NUP205: variants seen among roughly 807,000 people sequenced by gnomAD.
NUP205 encodes nuclear pore complex protein Nup205.
NUP205 carries 76 observed loss-of-function variants against 253.8 expected under a neutral mutation model. The observed-to-expected ratio is 0.30, with a 90% confidence interval of 0.25 to 0.36. The LOEUF is 0.36. Ranked by LOEUF, NUP205 falls within the 10% of genes least tolerant of loss-of-function variation. The pLI is 1.00. For synonymous variants in NUP205, 832 were observed against 850.1 expected, an observed-to-expected ratio of 0.98 and a Z score of 0.37; for missense variants, 2,162 against 2,425.5, an observed-to-expected ratio of 0.89 and a Z score of 2.28.
chr7:135,637,532 G>A (rs1191802299), intron 36 of NUP205, among the ~76,000 whole-genome samples: 1 of 152,150 alleles, frequency 6.6e-6, no homozygotes, highest in Non-Finnish European at 1.5e-5. Flanking sequence ...TTGTGCCTTG[G>A]TAGACAAAAT....
At chr7:135,595,996 G>A (rs1401825057) in intron 13 of NUP205, among the ~76,000 whole-genome samples, 1 of 152,016 alleles carries the variant, frequency 6.6e-6, no homozygotes, top group East Asian at 1.9e-4. Context: ...GTGCAATGGG[G>A]TGATCTCGGC....
At chr7:135,558,205 C>T in intron 1 of NUP205, 1 of 577,500 alleles carries the variant, frequency 1.7e-6, no homozygotes, top group African/African-American at 1.9e-5. Flanking sequence ...GCTTGGGCCG[C>T]TGGACCCAGG....
chr7:135,600,076 A>C (rs1793931693), intron 15 of NUP205, among the ~76,000 whole-genome samples: 1 of 152,206 alleles, frequency 6.6e-6, no homozygotes, highest in Non-Finnish European at 1.5e-5. Context: ...TGCAGTGGAA[A>C]TAATAATTTT....
intron 36 of NUP205, among the ~76,000 whole-genome samples, chr7:135,636,468 A>G (rs1237275191): frequency 2.0e-5 from 3 of 152,180 alleles, no homozygotes; most frequent in Non-Finnish European, 2.9e-5. Flanking sequence ...ACAGCATTCC[A>G]GAAAAGATTG....
chr7:135,639,723 G>A (rs1794883289), intron 38 of NUP205, among the ~76,000 whole-genome samples: 1 of 150,944 alleles, frequency 6.6e-6, no homozygotes, highest in Non-Finnish European at 1.5e-5. Flanking sequence ...TTAACCCAAA[G>A]GATTATAAAT....
intron 18 of NUP205, 118 bp downstream of exon 18, chr7:135,603,112 CTTTTTTTTTTTT>C: frequency 6.0e-6 from 2 of 331,232 alleles, no homozygotes; most frequent in African/African-American, 4.0e-5. Context: ...CCTCATTTTA[CTTTTTTTTTTTT>C]TTTTTTTTTG....
chr7:135,598,517 C>T (rs1388228351), intron 15 of NUP205, among the ~76,000 whole-genome samples: 1 of 152,184 alleles, frequency 6.6e-6, no homozygotes. Flanking sequence ...CACACTACTA[C>T]TGCTTATTGG....
At chr7:135,595,254 G>C (rs542208672) in intron 13 of NUP205, among the ~76,000 whole-genome samples, 2 of 151,704 alleles carry the variant, frequency 1.3e-5, no homozygotes, top group Non-Finnish European at 2.9e-5. Flanking sequence ...GGGTCTCGCT[G>C]TGTTGGCAAG....
intron 35 of NUP205, among the ~76,000 whole-genome samples, chr7:135,630,787 G>A (rs1794696294): frequency 6.6e-6 from 1 of 152,062 alleles, no homozygotes; most frequent in African/African-American, 2.4e-5. Flanking sequence ...TTAGCTGGGT[G>A]TTGGGGCATT....
chr7:135,615,867 A>G (rs1794345278), intron 23 of NUP205, 49 bp from the exon 24 acceptor site: 3 of 1,339,248 alleles, frequency 2.2e-6, no homozygotes, highest in Non-Finnish European at 3.1e-6. Context: ...GTCTGTTTTG[A>G]TACTGTGTTA....
chr7:135,630,854 AG>A (rs936261768), intron 35 of NUP205, among the ~76,000 whole-genome samples: 2 of 151,990 alleles, frequency 1.3e-5, no homozygotes, highest in Non-Finnish European at 2.9e-5. Context: ...TGAGTTGGGA[AG>A]GTTGAGACTG....
chr7:135,565,830 G>C (rs1180797469), intron 1 of NUP205, among the ~76,000 whole-genome samples: 1 of 152,064 alleles, frequency 6.6e-6, no homozygotes, highest in Non-Finnish European at 1.5e-5. Context: ...TGGAAACTTT[G>C]CCATTTACTA....
In NUP205 at chr7:135,604,414, A is replaced by T. The variant is rs1417197694; in HGVS notation, c.2777A>T (p.Asn926Ile). Residue 926 changes from asparagine to isoleucine, a missense_variant, in exon 19 of 43, where the codon AAC (asparagine) becomes ATC (isoleucine). Transcript: ENST00000285968. The stretch of plus-strand genomic sequence containing the variant: ...AAGATCCTCTGTTGTATCTCTTGCA[A>T]CTCTAATATTCAGATAAAGTTGGTT... Reference protein sequence around the residue: ...SAKILCCISCNSNIQIKLVGD... With the variant: ...SAKILCCISCISNIQIKLVGD... 1 of 1,612,794 alleles carries T rather than the reference A, an allele frequency of 6.2e-7. No homozygotes were observed. Among genetic ancestry groups the T allele is most frequent in the East Asian group, 2.2e-5 (1 of 44,804 alleles).
Position 135,627,921 on chromosome 7 carries a change from G to A in NUP205, c.4794-52G>A, listed in dbSNP as rs182788775. The A allele has an allele frequency of 5.2e-5, 82 of 1,586,974 alleles. No individual in the cohort carries two copies. The East Asian group carries it at 9.2e-4, about 18-fold the overall frequency. Reference sequence around the variant, plus strand: ...GCCATATCAGTGTTAAGGAATTGCCGAGAGTATACCTTAATTCTTGGAATG... The same window carrying A: ...GCCATATCAGTGTTAAGGAATTGCCAAGAGTATACCTTAATTCTTGGAATG... On this transcript the variant is annotated intron_variant, in intron 33 of 42. Transcript: ENST00000285968.
chr7:135,589,360 A>C (rs1584655263), intron 10 of NUP205, among the ~76,000 whole-genome samples: 1 of 148,344 alleles, frequency 6.7e-6, no homozygotes, highest in African/African-American at 2.5e-5. Context: ...ATCTCAGCTC[A>C]CCCCAACCTC....
At chr7:135,589,575 A>G (rs1806568410) in intron 10 of NUP205, among the ~76,000 whole-genome samples, 1 of 151,326 alleles carries the variant, frequency 6.6e-6, no homozygotes, top group Non-Finnish European at 1.5e-5. Flanking sequence ...GGCATGAGCC[A>G]CTGTACCTGG....
chr7:135,631,452 C>G (rs1223486685), intron 35 of NUP205, among the ~76,000 whole-genome samples: 1 of 152,172 alleles, frequency 6.6e-6, no homozygotes, highest in Non-Finnish European at 1.5e-5. Context: ...CTTATAATTT[C>G]TTTACTACAT....
At chr7:135,579,805 C>T (rs1048240328) in intron 7 of NUP205, among the ~76,000 whole-genome samples, 8 of 152,044 alleles carry the variant, frequency 5.3e-5, no homozygotes, top group African/African-American at 9.7e-5. Context: ...CCACCACACC[C>T]GGCTAATCTT....
Position 135,584,879 on chromosome 7 carries a change from A to G in NUP205, c.1090A>G (p.Ile364Val), listed in dbSNP as rs1031981511. 18 of 1,613,994 alleles carry G rather than the reference A, an allele frequency of 1.1e-5. No individual in the cohort carries two copies. The highest frequency in any genetic ancestry group is 1.5e-5 in the Non-Finnish European group (18 of 1,179,988). The change falls in exon 8 of 43, where the codon ATT becomes GTT. Residue 364 changes from isoleucine (I) to valine (V), a missense_variant. Transcript: ENST00000285968. ...AGATGAAGCAATGGCAGAACTCGCA[A>G]TTGCTGACAACGTTTTCCTGTTCCT... is the stretch of plus-strand genomic sequence containing the variant. The part of the protein sequence containing the change: ...EADEAMAELA[I>V]ADNVFLFLME...
Sources: gnomAD v4.1 joint callset for allele counts (sites outside exome capture counted in the v4.1 genomes callset) on GRCh38, gnomAD v4.1.1 for gene constraint, MANE v1.5 for transcripts, NCBI Gene and HGNC (gene_info 2026-07-23, HGNC 2026-07-21) for gene names.